Variants in TNPO1 observed in about 807,000 individuals in gnomAD.
The protein encoded by TNPO1 is transportin 1, also known as transportin-1.
TNPO1 carries 8 observed loss-of-function variants against 119.5 expected under a neutral mutation model. That is an observed-to-expected ratio of 0.07 (90% confidence interval 0.04 to 0.12). The LOEUF (loss-of-function observed/expected upper bound fraction) is 0.12. TNPO1 is among the 10% of genes least tolerant of loss of function. The probability of loss-of-function intolerance (pLI) is 1.00; values close to 1 mark genes in which losing one functional copy is unlikely to be tolerated. For missense variants in TNPO1, 576 were observed against 1,089.8 expected, an observed-to-expected ratio of 0.53 and a Z score of 6.64; for synonymous variants, 362 against 363.0, an observed-to-expected ratio of 1.00 and a Z score of 0.03.
intron 21 of TNPO1, 60 bp from the exon 22 acceptor site, chr5:72,900,914 A>T: frequency 9.0e-7 from 1 of 1,106,594 alleles, no homozygotes; most frequent in Non-Finnish European, 1.4e-6. Context: ...ACTGTCCATT[A>T]GTATTGTCAT....
chr5:72,888,003 G>T lies in TNPO1; in HGVS notation c.1304-75G>T, dbSNP rs535472253. The T allele has an allele frequency of 2.2e-6, 3 of 1,342,468 alleles. No homozygotes were observed. The East Asian group carries it at 7.0e-5, about 31-fold the overall frequency. The allele number at this position is 1,342,468 out of a possible 1,614,324, so 83.2% of individuals were successfully genotyped here. A position where few individuals can be genotyped will look rare whatever the true frequency, so the allele number is the denominator to read the frequency against. On this transcript the variant is annotated intron_variant, in intron 12 of 24. Coordinates refer to ENST00000337273, the MANE Select transcript of TNPO1 (RefSeq NM_002270.4). ...ATATTCTGAATTTTTTCATAGATAC[G>T]TGTTTTATTTTCATAATCAACCAAA...
At chr5:72,890,059 A>G (rs1748935810) in intron 14 of TNPO1, 102 bp downstream of exon 14, 2 of 1,314,316 alleles carry the variant, frequency 1.5e-6, no homozygotes, top group African/African-American at 1.5e-5. Context: ...GGAGATGTGA[A>G]TAGTTAGCGT....
intron 8 of TNPO1, among the ~76,000 whole-genome samples, 157 bp from the exon 9 acceptor site, chr5:72,877,071 G>A (rs896640300): frequency 3.4e-5 from 5 of 147,536 alleles, no homozygotes; most frequent in African/African-American, 7.7e-5. Context: ...TTCCAGCCTG[G>A]GCGACAGAGT....
At chr5:72,822,590 CTTTTTT>C (rs766069525) in intron 1 of TNPO1, among the ~76,000 whole-genome samples, 2 of 132,914 alleles carry the variant, frequency 1.5e-5, no homozygotes, top group African/African-American at 2.7e-5. Flanking sequence ...AAGTTCTACA[CTTTTTT>C]TTTTTTTTTT....
intron 4 of TNPO1, 49 bp downstream of exon 4, chr5:72,855,972 T>C (rs1160551317): frequency 6.4e-7 from 1 of 1,566,864 alleles, no homozygotes; most frequent in Admixed American, 1.7e-5. Flanking sequence ...AACTGGGTCA[T>C]TTTTAGAGAT....
intron 6 of TNPO1, among the ~76,000 whole-genome samples, chr5:72,868,682 A>G (rs908795454): frequency 3.9e-5 from 6 of 152,020 alleles, no homozygotes; most frequent in Admixed American, 2.0e-4. Context: ...TAAAGCTTCA[A>G]ATTGAATTCT....
intron 12 of TNPO1, 24 bp downstream of exon 12, chr5:72,887,246 T>A: frequency 8.5e-7 from 1 of 1,180,530 alleles, no homozygotes; most frequent in Non-Finnish European, 1.2e-6. Flanking sequence ...CAGTTTGAAT[T>A]ATGTAAGTTG....
chr5:72,877,404 A>T lies in TNPO1; in HGVS notation c.920+58A>T, dbSNP rs1443860420. ...TCTTTAATTTCTTAAGTGATTCTTC[A>T]TTTTCATATTTTTATAAAATTCATT... is the stretch of plus-strand genomic sequence containing the variant. On this transcript the variant is annotated intron_variant, in intron 9 of 24. Coordinates refer to ENST00000337273, the MANE Select transcript of TNPO1 (RefSeq NM_002270.4). 30 of 806,092 alleles carry T rather than the reference A, an allele frequency of 3.7e-5. No individual in the cohort carries two copies. In the East Asian group the frequency reaches 7.1e-4, roughly 19 times the overall value. The allele number at this position is 806,092 out of a possible 1,614,324, so 49.9% of individuals were successfully genotyped here.
chr5:72,903,905 A>G, intron 23 of TNPO1, 122 bp downstream of exon 23: 2 of 606,294 alleles, frequency 3.3e-6, no homozygotes, highest in East Asian at 2.9e-5. Context: ...GATAGTTTAC[A>G]TATATAACCT....
In TNPO1 at chr5:72,900,997, G is replaced by C; in HGVS notation, c.2438G>C (p.Arg813Thr). 1 of 1,611,350 alleles carries C rather than the reference G, an allele frequency of 6.2e-7. No homozygotes were observed. The highest frequency in any genetic ancestry group is 8.5e-7 in the Non-Finnish European group (1 of 1,179,140). Reference sequence around the variant, plus strand: ...AGGTGCACCTCTCTGAGAAACATAAGAGACAATGAGGAAAAGGATTCAGCA... The same window carrying C: ...AGGTGCACCTCTCTGAGAAACATAACAGACAATGAGGAAAAGGATTCAGCA... ...RPWCTSLRNI[R>T]DNEEKDSAFR... The change falls in exon 22 of 25, where the codon AGA becomes ACA. Residue 813 changes from arginine (R) to threonine (T), a missense_variant. Transcript: ENST00000337273.
chr5:72,835,639 G>T (rs1348189112), intron 1 of TNPO1, among the ~76,000 whole-genome samples: 1 of 152,150 alleles, frequency 6.6e-6, no homozygotes, highest in Non-Finnish European at 1.5e-5. Context: ...TAATATTGTT[G>T]CATTGAGGGT....
intron 10 of TNPO1, 49 bp from the exon 11 acceptor site, chr5:72,883,015 A>G (rs762360543): frequency 1.5e-6 from 2 of 1,303,688 alleles, no homozygotes; most frequent in South Asian, 1.2e-5. Flanking sequence ...TGTACATACT[A>G]TTAGCCTATA....
intron 4 of TNPO1, among the ~76,000 whole-genome samples, chr5:72,857,209 T>C (rs1008233045): frequency 6.6e-6 from 1 of 151,872 alleles, no homozygotes; most frequent in Non-Finnish European, 1.5e-5. Flanking sequence ...TCCCAGCTAC[T>C]TGGGAGCCTG....
intron 1 of TNPO1, among the ~76,000 whole-genome samples, chr5:72,823,431 C>G (rs370498497): frequency 2.0e-5 from 3 of 152,248 alleles, no homozygotes. Context: ...ACAGTGATAC[C>G]CTCGTGCACT....
chr5:72,891,539 T>G (rs1041883870), intron 14 of TNPO1, among the ~76,000 whole-genome samples: 1 of 152,202 alleles, frequency 6.6e-6, no homozygotes, highest in Admixed American at 6.5e-5. Context: ...GCTGTGTGTT[T>G]ATTGATAGAC....
chr5:72,835,260 T>C (rs534801598), intron 1 of TNPO1, among the ~76,000 whole-genome samples: 1 of 152,396 alleles, frequency 6.6e-6, no homozygotes, highest in Admixed American at 6.5e-5. Flanking sequence ...TTCCATTTTT[T>C]TCTTTGTTCT....
chr5:72,904,610 A>G (rs1424275887), intron 23 of TNPO1, among the ~76,000 whole-genome samples: 1 of 152,192 alleles, frequency 6.6e-6, no homozygotes, highest in East Asian at 1.9e-4. Flanking sequence ...AGCCTGGCCA[A>G]CATGGTGAAA....
chr5:72,899,524 C>T (rs1326487703), intron 20 of TNPO1, among the ~76,000 whole-genome samples: 1 of 152,092 alleles, frequency 6.6e-6, no homozygotes, highest in African/African-American at 2.4e-5. Flanking sequence ...GAATGGAAAT[C>T]ACTTTCACCT....
At position 72,889,779 on chromosome 5, in the gene TNPO1, T is replaced by A. The variant is rs925596896; in HGVS notation, c.1530-7T>A. On this transcript the variant is annotated splice_polypyrimidine_tract_variant and splice_region_variant and intron_variant, in intron 13 of 24. Transcript: ENST00000337273. ...AATAAGTATTCTTTTTTTTTTTTTT[T>A]AAACAGTGCCTTTGCTACCCTAGAA... 2.1e-5 allele frequency: 32 copies of A among 1,554,198 alleles called. No individual in the cohort carries two copies. Among genetic ancestry groups the A allele is most frequent in the South Asian group, 3.7e-5 (3 of 81,384 alleles).
Sources: allele counts gnomAD v4.1 joint callset (sites outside exome capture counted in the v4.1 genomes callset), GRCh38; gene constraint gnomAD v4.1.1; transcripts MANE v1.5; gene names NCBI Gene and HGNC (gene_info 2026-07-23, HGNC 2026-07-21).